The following LRRC27 variants were observed in gnomAD, a reference collection of about 807,000 sequenced individuals.
LRRC27 encodes the protein leucine rich repeat containing 27, also known as leucine-rich repeat-containing protein 27.
In LRRC27, 57 loss-of-function variants were observed where a neutral mutation model predicts 55.0. The observed-to-expected ratio is 1.04, with a 90% CI of 0.84 to 1.29. The LOEUF (loss-of-function observed/expected upper bound fraction) is 1.29. Among genes scored for constraint, LRRC27 ranks in the 50% most tolerant of loss-of-function variants. LRRC27 has a pLI of 0.00. For missense variants in LRRC27, 721 were observed against 651.5 expected, an observed-to-expected ratio of 1.11 and a Z score of -1.16; for synonymous variants, 278 against 251.9, an observed-to-expected ratio of 1.10 and a Z score of -0.98.
chr10:132,333,446 G>C, intron 1 of LRRC27, 31 bp from the exon 2 acceptor site: 1 of 1,065,854 alleles, frequency 9.4e-7, no homozygotes, highest in Non-Finnish European at 1.3e-6. Context: ...ATAATTAGTT[G>C]CTTCTACGTT....
Position 132,351,759 on chromosome 10 carries a change from T to C in LRRC27, c.1073+6T>C, listed in dbSNP as rs1048546236. The C allele has an allele frequency of 4.2e-5, 67 of 1,609,088 alleles. No individual in the cohort carries two copies. The highest frequency in any genetic ancestry group is 5.6e-5 in the Non-Finnish European group (66 of 1,177,706). On this transcript the variant is annotated splice_donor_region_variant and intron_variant, in intron 7 of 10. Transcript: ENST00000368614. ...CTGATGGAGCAGCAGAGACGGTGAG[T>C]CCACACAGGGTGGGGGTCCGCACAG...
At chr10:132,351,560 C>A in intron 6 of LRRC27, 47 bp from the exon 7 acceptor site, 1 of 1,591,198 alleles carries the variant, frequency 6.3e-7, no homozygotes, top group South Asian at 1.1e-5. Flanking sequence ...GAATTACCGT[C>A]ACAGGGTTTT....
chr10:132,360,156 C>T (rs2068544965), intron 8 of LRRC27, among the ~76,000 whole-genome samples: 1 of 152,176 alleles, frequency 6.6e-6, no homozygotes, highest in African/African-American at 2.4e-5. Context: ...AGTGCAGTGG[C>T]ACAATCTTGG....
At chr10:132,356,382 A>G (rs1163843676) in intron 8 of LRRC27, among the ~76,000 whole-genome samples, 1 of 152,098 alleles carries the variant, frequency 6.6e-6, no homozygotes. Context: ...GCTATGGGAC[A>G]TGGGATATCC....
Position 132,365,443 on chromosome 10 carries a change from T to G in LRRC27, c.1309T>G (p.Leu437Val), listed in dbSNP as rs757960530. ...KEMSALQERN[L>V]EEKIKQHVLQ... ...TCTCAGTGCCCTGCAGGAGAGAAAT[T>G]TAGAAGAGAAGATAAAACAGCACGT... is the stretch of plus-strand genomic sequence containing the variant. The change falls in exon 10 of 11, where the codon TTA becomes GTA. Residue 437 changes from leucine (L) to valine (V), a missense_variant. By Grantham distance (32) the Leu-to-Val change is conservative. Coordinates refer to ENST00000368614, the MANE Select transcript of LRRC27 (RefSeq NM_030626.3). 6 of 1,613,620 alleles carry G rather than the reference T, an allele frequency of 3.7e-6. No individual in the cohort carries two copies. In the South Asian group the frequency reaches 6.6e-5, roughly 18 times the overall value.
intron 10 of LRRC27, among the ~76,000 whole-genome samples, chr10:132,367,524 A>G (rs4288685): frequency 0.21 from 31,426 of 152,228 alleles, 3,489 homozygotes; most frequent in African/African-American, 0.29. Context: ...AAATCCAGCA[A>G]TGTGTAAAAG....
upstream of LRRC27, chr10:132,331,759 G>C: frequency 6.2e-7 from 1 of 1,610,618 alleles, no homozygotes; most frequent in East Asian, 2.2e-5. Flanking sequence ...CTTCCCCTCT[G>C]TGCCAGGCCG....
Position 132,374,952 on chromosome 10 carries a change from G to C in LRRC27, c.1417-114G>C, listed in dbSNP as rs766533096. ...CAGGGGCCCCGGGGCAGCGGGGCTG[G>C]CTCTGCTGACGCCCACATGGCCTGG... is the stretch of plus-strand genomic sequence containing the variant. On this transcript the variant is annotated intron_variant, in intron 10 of 10. Transcript: ENST00000368614. The surrounding 1 kb of genome is among the most constrained non-coding windows in gnomAD (Gnocchi z 4.4). 8.5e-7 allele frequency: 1 copy of C among 1,178,118 alleles called. No homozygotes were observed. The highest frequency in any genetic ancestry group is 1.2e-6 in the Non-Finnish European group (1 of 839,616). The allele number at this position is 1,178,118 out of a possible 1,614,324, so 73.0% of individuals were successfully genotyped here.
chr10:132,356,950 A>T (rs1441373147), intron 8 of LRRC27, among the ~76,000 whole-genome samples: 1 of 152,266 alleles, frequency 6.6e-6, no homozygotes, highest in African/African-American at 2.4e-5. Flanking sequence ...CAGCCCCCTT[A>T]GCTGGGGTAA....
In LRRC27 at chr10:132,351,583, G is replaced by A. The variant is rs750672925; in HGVS notation, c.927-24G>A. ...GTCACAGGGTTTTGTTAAACATTCA[G>A]CTAAAAACACTCTGTAATTTTAGAA... On this transcript the variant is annotated intron_variant, in intron 6 of 10. Transcript: ENST00000368614. The A allele has an allele frequency of 3.1e-6, 5 of 1,607,564 alleles. No individual in the cohort carries two copies. In the African/African-American group the frequency reaches 6.7e-5, roughly 22 times the overall value.
chr10:132,355,416 C>T (rs1021533702), intron 7 of LRRC27, among the ~76,000 whole-genome samples: 12 of 152,184 alleles, frequency 7.9e-5, no homozygotes, highest in Admixed American at 1.3e-4. Context: ...GACCTTATGT[C>T]GACAAGTGCC....
rs145904167 is a variant in LRRC27, at chr10:132,344,594, G to A, written c.497G>A (p.Arg166His). ...CAGAAGGGATTGGTGGCTATCCAGC[G>A]CTTCCTGCGGATGTGGGCAGTAGAA... Reference protein sequence around the residue: ...VVQKGLVAIQRFLRMWAVEHS... With the variant: ...VVQKGLVAIQHFLRMWAVEHS... Residue 166 changes from arginine (R) to histidine (H), a missense_variant, in exon 5 of 11, where the codon CGC becomes CAC. Coordinates refer to ENST00000368614, the MANE Select transcript of LRRC27 (RefSeq NM_030626.3). 146 of 1,614,102 alleles carry A rather than the reference G, an allele frequency of 9.0e-5. No individual in the cohort carries two copies. The African/African-American group carries it at 1.3e-3, about 15-fold the overall frequency.
chr10:132,371,308 C>T (rs11146351), intron 10 of LRRC27, among the ~76,000 whole-genome samples: 2,618 of 152,300 alleles, frequency 0.017, 69 homozygotes, highest in African/African-American at 0.06. Context: ...TGGAGTCCAG[C>T]CCATGAGCCA....
intron 9 of LRRC27, 151 bp from the exon 10 acceptor site, chr10:132,365,273 G>C: frequency 9.2e-7 from 1 of 1,089,612 alleles, no homozygotes; most frequent in Non-Finnish European, 1.4e-6. Context: ...CCAGGGCAGC[G>C]CCACAGTAAC....
At chr10:132,344,476 G>GC (rs1554892751) in intron 4 of LRRC27, 22 bp from the exon 5 acceptor site, 2 of 1,570,648 alleles carry the variant, frequency 1.3e-6, no homozygotes, top group Non-Finnish European at 1.7e-6. Context: ...AATGCTGACA[G>GC]TTTTTTTTTC....
Position 132,355,973 on chromosome 10 carries a change from A to G in LRRC27, c.1170+87A>G, listed in dbSNP as rs2068291970. On this transcript the variant is annotated intron_variant, in intron 8 of 10. Coordinates refer to ENST00000368614, the MANE Select transcript of LRRC27 (RefSeq NM_030626.3). ...CAGGCATCCCTGTCCATGGAGGATG[A>G]GCCGAGACCTGGGGGTGTGGGTGGG... is the stretch of plus-strand genomic sequence containing the variant. 12 of 909,990 alleles carry G rather than the reference A, an allele frequency of 1.3e-5. No individual in the cohort carries two copies. The South Asian group carries it at 1.8e-4, about 14-fold the overall frequency. 56.4% of individuals were successfully genotyped at this position (909,990 alleles called of 1,614,324 possible).
chr10:132,340,208 G>T (rs183826078), intron 3 of LRRC27, among the ~76,000 whole-genome samples: 11 of 152,144 alleles, frequency 7.2e-5, no homozygotes, highest in African/African-American at 2.7e-4. Context: ...ACGAATCAAC[G>T]GGTAAGCTTT....
rs368266371 is a variant in LRRC27, at chr10:132,344,507, C to T, written c.410C>T (p.Thr137Ile). Reference sequence around the variant, plus strand: ...TTTTCCTCCACTGCAGGGAGCGTAACCACGCTGAAAGCACTGAACCTAAGA... The same window carrying T: ...TTTTCCTCCACTGCAGGGAGCGTAATCACGCTGAAAGCACTGAACCTAAGA... The part of the protein sequence containing the change: ...KMLPVELGSV[T>I]TLKALNLRHC... The change falls in exon 5 of 11, where the codon ACC becomes ATC. Residue 137 changes from threonine to isoleucine, a missense_variant. Coordinates refer to ENST00000368614, the MANE Select transcript of LRRC27 (RefSeq NM_030626.3). 2 of 1,613,016 alleles carry T rather than the reference C, an allele frequency of 1.2e-6. No homozygotes were observed. The highest frequency in any genetic ancestry group is 2.2e-5 in the South Asian group (2 of 91,020).
chr10:132,331,496 CGCTCTGA>C (rs1564811093), upstream of LRRC27: 2 of 1,612,912 alleles, frequency 1.2e-6, no homozygotes, highest in Non-Finnish European at 1.7e-6. Context: ...CCAAAGAGGA[CGCTCTGA>C]GTCTGCGTTC....
Sources: gnomAD v4.1 joint callset for allele counts (sites outside exome capture counted in the v4.1 genomes callset) on GRCh38, gnomAD v4.1.1 for gene constraint, Gnocchi (gnomAD v3.1) non-coding constraint, MANE v1.5 for transcripts, NCBI Gene and HGNC (gene_info 2026-07-23, HGNC 2026-07-21) for gene names.